DLGAP1: variants seen among roughly 807,000 people sequenced by gnomAD.
DLGAP1 encodes DLG associated protein 1.
DLGAP1 carries 11 observed loss-of-function variants against 90.8 expected under a neutral mutation model. The ratio of observed to expected loss-of-function variants is 0.12; its 90% CI spans 0.08 to 0.20. DLGAP1 has a LOEUF of 0.20. Ranked by LOEUF, DLGAP1 falls within the 10% of genes least tolerant of loss-of-function variation. The pLI is 1.00. For synonymous variants in DLGAP1, 558 were observed against 540.7 expected (o/e 1.03, Z -0.44); for missense variants, 1,050 against 1,333.8 (o/e 0.79, Z 3.31).
intron 10 of DLGAP1, among the ~76,000 whole-genome samples, chr18:3,524,792 T>C (rs1447454451): frequency 6.6e-6 from 1 of 152,206 alleles, no homozygotes; most frequent in Admixed American, 6.5e-5. Flanking sequence ...GGATTATCCA[T>C]GTGGAGACAT....
chr18:4,175,400 G>A (rs2077090302), intron 1 of DLGAP1, among the ~76,000 whole-genome samples: 1 of 152,090 alleles, frequency 6.6e-6, no homozygotes, highest in Non-Finnish European at 1.5e-5. Context: ...TTCTTTTGCT[G>A]TGCAGAAGCT....
At chr18:4,282,745 G>A (rs1388972395) in intron 1 of DLGAP1, among the ~76,000 whole-genome samples, 1 of 152,140 alleles carries the variant, frequency 6.6e-6, no homozygotes, top group African/African-American at 2.4e-5. Flanking sequence ...ACATAACTGG[G>A]GGCTGGCATT....
chr18:4,183,734 C>T (rs1598568697), intron 1 of DLGAP1, among the ~76,000 whole-genome samples: 2 of 152,056 alleles, frequency 1.3e-5, no homozygotes, highest in Non-Finnish European at 2.9e-5. Context: ...ATAATCTTTA[C>T]CTGGGTTTCA....
intron 1 of DLGAP1, among the ~76,000 whole-genome samples, chr18:4,289,002 C>T (rs567846637): frequency 1.3e-5 from 2 of 152,248 alleles, no homozygotes; most frequent in East Asian, 3.9e-4. Context: ...CTGTCTTACT[C>T]TATTGTGTGA....
intron 1 of DLGAP1, among the ~76,000 whole-genome samples, chr18:4,214,492 C>A (rs1183549027): frequency 2.0e-5 from 3 of 152,088 alleles, no homozygotes; most frequent in African/African-American, 4.8e-5. Flanking sequence ...AGGTCCCTGC[C>A]CACAAGAAAC....
In DLGAP1 at chr18:3,665,775, C is replaced by G. The variant is rs185042032; in HGVS notation, c.1591+63360G>C. 5.9e-5 allele frequency among the ~76,000 whole-genome samples: 9 copies of G among 152,312 alleles called. No individual in the cohort carries two copies. The East Asian group carries it at 1.7e-3, about 29-fold the overall frequency. On this transcript the variant is annotated intron_variant, in intron 7 of 12. Coordinates refer to ENST00000315677, the MANE Select transcript of DLGAP1 (RefSeq NM_004746.4). ...ATATGTCGACAGGCATATTCCGTAT[C>G]ATTTATGTAAGTTAACACATTCTGA...
At chr18:3,570,601 T>C (rs796366281) in intron 8 of DLGAP1, among the ~76,000 whole-genome samples, 2 of 152,040 alleles carry the variant, frequency 1.3e-5, no homozygotes, top group East Asian at 2.0e-4. Context: ...TGATATTTTC[T>C]ATGGCAAGTC....
At chr18:3,629,136 T>C (rs1219254063) in intron 7 of DLGAP1, among the ~76,000 whole-genome samples, 2 of 152,202 alleles carry the variant, frequency 1.3e-5, no homozygotes, top group African/African-American at 4.8e-5. Context: ...TTGTTACACT[T>C]TATAATTTTT....
chr18:3,726,457 GA>G (rs2062184418), intron 7 of DLGAP1, among the ~76,000 whole-genome samples: 2 of 95,428 alleles, frequency 2.1e-5, no homozygotes, highest in African/African-American at 8.8e-5. Context: ...GTGTGTGTGA[GA>G]GAGAGAGAGA....
At chr18:3,691,019 A>G (rs1422247520) in intron 7 of DLGAP1, among the ~76,000 whole-genome samples, 1 of 152,248 alleles carries the variant, frequency 6.6e-6, no homozygotes, top group African/African-American at 2.4e-5. Context: ...GGTGTATATA[A>G]GGGTCTGGTT....
At chr18:3,916,170 G>GCC (rs2072139059) in intron 3 of DLGAP1, among the ~76,000 whole-genome samples, 2 of 152,246 alleles carry the variant, frequency 1.3e-5, no homozygotes, top group Admixed American at 1.3e-4. Flanking sequence ...AACCTTGTCT[G>GCC]GTGCTGAATA....
chr18:3,591,730 G>A (rs1324312913), intron 7 of DLGAP1, among the ~76,000 whole-genome samples: 1 of 152,028 alleles, frequency 6.6e-6, no homozygotes, highest in Admixed American at 6.6e-5. Context: ...TAAAAAGACG[G>A]GGTGTTTCAT....
At chr18:4,231,350 G>T (rs990161886) in intron 1 of DLGAP1, among the ~76,000 whole-genome samples, 1 of 152,108 alleles carries the variant, frequency 6.6e-6, no homozygotes, top group African/African-American at 2.4e-5. Flanking sequence ...CCCTGCTCTG[G>T]AAGCCTGGGT....
intron 1 of DLGAP1, among the ~76,000 whole-genome samples, chr18:4,207,515 T>C (rs1174395204): frequency 6.6e-6 from 1 of 152,220 alleles, no homozygotes; most frequent in Non-Finnish European, 1.5e-5. Flanking sequence ...AACATCTAAT[T>C]TGAATCCCAA....
intron 1 of DLGAP1, among the ~76,000 whole-genome samples, chr18:4,168,954 T>C (rs768685962): frequency 3.3e-5 from 5 of 152,212 alleles, no homozygotes; most frequent in South Asian, 2.1e-4. Flanking sequence ...CATCCTCTTA[T>C]AGACACATGG....
chr18:3,860,109 T>TAAA (rs2069947847), intron 4 of DLGAP1, among the ~76,000 whole-genome samples: 17 of 117,354 alleles, frequency 1.4e-4, no homozygotes, highest in South Asian at 7.7e-4. Context: ...AAAAAATAAA[T>TAAA]AAATAAATAA....
intron 1 of DLGAP1, among the ~76,000 whole-genome samples, chr18:4,442,916 T>C (rs943766904): frequency 1.3e-5 from 2 of 152,236 alleles, no homozygotes; most frequent in African/African-American, 4.8e-5. Context: ...GGGGCTGAAC[T>C]CAAAGCACCT....
chr18:4,232,883 T>G (rs538116893), intron 1 of DLGAP1, among the ~76,000 whole-genome samples: 2 of 152,232 alleles, frequency 1.3e-5, no homozygotes, highest in Admixed American at 6.5e-5. Flanking sequence ...AGACCCTCAC[T>G]TCTGCAGAAA....
intron 1 of DLGAP1, among the ~76,000 whole-genome samples, chr18:4,408,462 A>G (rs1488661681): frequency 6.6e-6 from 1 of 152,184 alleles, no homozygotes; most frequent in Admixed American, 6.6e-5. Flanking sequence ...CATAAATGAT[A>G]AACAAACAGA....
Sources: allele counts gnomAD v4.1 joint callset (sites outside exome capture counted in the v4.1 genomes callset), GRCh38; gene constraint gnomAD v4.1.1; transcripts MANE v1.5; gene names NCBI Gene and HGNC (gene_info 2026-07-23, HGNC 2026-07-21).